Variants in FKBP5 observed in about 807,000 individuals in gnomAD.
FKBP5 encodes peptidyl-prolyl cis-trans isomerase FKBP5.
Under a neutral mutation model 50.5 loss-of-function variants are expected in FKBP5, and 23 were observed. That is an observed-to-expected ratio of 0.46 (90% CI 0.33 to 0.65). The LOEUF is 0.65. Ranked by LOEUF, FKBP5 falls within the 30% of genes least tolerant of loss-of-function variation. The pLI is 0.02. For missense variants in FKBP5, 411 were observed against 553.1 expected (o/e 0.74, Z 2.58); for synonymous variants, 176 against 190.6 (o/e 0.92, Z 0.63).
chr6:35,691,363 G>T (rs1765983858), upstream of FKBP5, among the ~76,000 whole-genome samples: 1 of 152,194 alleles, frequency 6.6e-6, no homozygotes, highest in South Asian at 2.1e-4. Context: ...GGAGGGGACA[G>T]CGTGAGCAAA....
chr6:35,704,870 G>A (rs556645805), intron 2 of FKBP5, among the ~76,000 whole-genome samples: 16 of 152,024 alleles, frequency 1.1e-4, no homozygotes, highest in East Asian at 1.9e-4. Flanking sequence ...GGCCGGGCGC[G>A]GTGGCTCACA....
In FKBP5 at chr6:35,583,248, G is replaced by T. The variant is rs931013840; in HGVS notation, c.841-3027C>A. 28 of 985,330 alleles carry T rather than the reference G, an allele frequency of 2.8e-5. No individual in the cohort carries two copies. The African/African-American group carries it at 4.9e-4, about 17-fold the overall frequency. 61.0% of individuals were successfully genotyped at this position (985,330 alleles called of 1,614,324 possible). A position where few individuals can be genotyped will look rare whatever the true frequency, so the allele number is the denominator to read the frequency against. On this transcript the variant is annotated intron_variant, in intron 8 of 10. Transcript: ENST00000357266. ...TCCTCTCTCCTCCTCCCTCTCTAAT[G>T]CATTGATTAACTTAACTTTTCTGAT...
chr6:35,640,997 T>C (rs1764469966), intron 2 of FKBP5, among the ~76,000 whole-genome samples: 1 of 152,180 alleles, frequency 6.6e-6, no homozygotes, highest in African/African-American at 2.4e-5. Context: ...TCATTTGTTT[T>C]TGAGACAGGA....
intron 1 of FKBP5, among the ~76,000 whole-genome samples, chr6:35,684,956 G>A (rs1002784635): frequency 1.3e-5 from 2 of 151,996 alleles, no homozygotes; most frequent in Non-Finnish European, 2.9e-5. Flanking sequence ...GATCACTTGA[G>A]ACCAGGTGGT....
intron 1 of FKBP5, among the ~76,000 whole-genome samples, chr6:35,721,231 A>G (rs1766604184): frequency 6.6e-6 from 1 of 152,082 alleles, no homozygotes. Flanking sequence ...AGGCGCCTGT[A>G]ATCTCAGCTA....
rs558104119 is a variant in FKBP5, at chr6:35,590,329, G to A, written c.756+801C>T. 1.8e-4 allele frequency among the ~76,000 whole-genome samples: 28 copies of A among 152,114 alleles called. 1 individual carries two copies. The highest frequency in any genetic ancestry group is 1.4e-3 in the Admixed American group (21 of 15,254). ...AAAAAAAAAGTTGAATGTACAGAACGTGGAGGTAGCACTGTGCAGGAATAA... is the reference window on the plus strand; with the variant it reads ...AAAAAAAAAGTTGAATGTACAGAACATGGAGGTAGCACTGTGCAGGAATAA... On this transcript the variant is annotated intron_variant, in intron 7 of 10. Coordinates refer to ENST00000357266, the MANE Select transcript of FKBP5 (RefSeq NM_004117.4).
At chr6:35,672,154 G>A (rs2151005234) in intron 1 of FKBP5, among the ~76,000 whole-genome samples, 1 of 152,116 alleles carries the variant, frequency 6.6e-6, no homozygotes, top group Non-Finnish European at 1.5e-5. Context: ...AGGCGTGAGC[G>A]ACCGTGACCG....
chr6:35,638,846 A>G (rs1244372716), intron 2 of FKBP5, among the ~76,000 whole-genome samples: 1 of 152,192 alleles, frequency 6.6e-6, no homozygotes, highest in African/African-American at 2.4e-5. Context: ...CACGAACTGC[A>G]TGTGGTATTT....
At chr6:35,648,688 C>T (rs140982323) in intron 1 of FKBP5, among the ~76,000 whole-genome samples, 869 of 152,278 alleles carry the variant, frequency 5.7e-3, no homozygotes, top group Non-Finnish European at 9.0e-3. Context: ...GTGGCTCAAG[C>T]CTGTAATCCT....
chr6:35,689,842 AAAAC>A (rs1765949531), upstream of FKBP5, among the ~76,000 whole-genome samples: 1 of 152,104 alleles, frequency 6.6e-6, no homozygotes, highest in Admixed American at 6.6e-5. Context: ...TCTCAAAACA[AAAAC>A]AAAAACAAAA....
chr6:35,578,424 CTACA>C lies in FKBP5; in HGVS notation c.1027-1195_1027-1192del, dbSNP rs536943290. ...ACTAGAAAGGAGACGACAAATCTGA[CTACA>C]TAAACATTAAAACCTTCTTTAAAGA... On this transcript the variant is annotated intron_variant, in intron 9 of 10. Coordinates refer to ENST00000357266, the MANE Select transcript of FKBP5 (RefSeq NM_004117.4). Among the ~76,000 whole-genome samples, 88 of 152,212 alleles carry C rather than the reference CTACA, an allele frequency of 5.8e-4. No homozygotes were observed. The Middle Eastern group carries it at 0.014, about 24-fold the overall frequency.
At chr6:35,624,438 G>A (rs1177706586) in intron 3 of FKBP5, among the ~76,000 whole-genome samples, 1 of 151,956 alleles carries the variant, frequency 6.6e-6, no homozygotes, top group Non-Finnish European at 1.5e-5. Flanking sequence ...GGAGCTGGAG[G>A]TTGCAGTGAG....
chr6:35,700,972 AAAAT>A (rs1375772521), intron 2 of FKBP5, among the ~76,000 whole-genome samples: 1 of 152,094 alleles, frequency 6.6e-6, no homozygotes, highest in Non-Finnish European at 1.5e-5. Context: ...AATAAATTAA[AAAAT>A]AAATAAATAA....
Position 35,574,314 on chromosome 6 carries a change from A to T in FKBP5, c.*1521T>A, listed in dbSNP as rs752543180. The T allele has an allele frequency of 6.6e-6, 1 of 152,224 alleles. No individual in the cohort carries two copies. Among genetic ancestry groups the T allele is most frequent in the Non-Finnish European group, 1.5e-5 (1 of 68,036 alleles). 9.4% of individuals were successfully genotyped at this position (152,224 alleles called of 1,614,324 possible). ...TAAAACCATCATAAAAATAAAAACT[A>T]ATTTAAAATATAACTGCCAGTGTTT... On this transcript the variant is annotated 3_prime_UTR_variant, in exon 11 of 11. Transcript: ENST00000357266.
chr6:35,653,090 G>A (rs1764856112), intron 1 of FKBP5, among the ~76,000 whole-genome samples: 1 of 152,222 alleles, frequency 6.6e-6, no homozygotes, highest in African/African-American at 2.4e-5. Context: ...GCCAGGCACA[G>A]TGGCTCAAGC....
intron 5 of FKBP5, among the ~76,000 whole-genome samples, chr6:35,614,959 C>T (rs1409147319): frequency 6.6e-6 from 1 of 151,962 alleles, no homozygotes; most frequent in African/African-American, 2.4e-5. Context: ...CCCATCTCTA[C>T]TGAAAATACA....
chr6:35,634,732 T>G (rs962738673), intron 3 of FKBP5, among the ~76,000 whole-genome samples: 10 of 152,034 alleles, frequency 6.6e-5, no homozygotes, highest in African/African-American at 2.4e-4. Context: ...TTCCCTAATC[T>G]AGGAACAAAC....
intron 1 of FKBP5, among the ~76,000 whole-genome samples, chr6:35,682,008 T>C (rs1306050330): frequency 6.6e-6 from 1 of 152,206 alleles, no homozygotes; most frequent in Non-Finnish European, 1.5e-5. Context: ...TCTAAGTTTA[T>C]GTCTTAACCT....
At chr6:35,724,518 A>C (rs1212764091) in intron 1 of FKBP5, among the ~76,000 whole-genome samples, 1 of 152,202 alleles carries the variant, frequency 6.6e-6, no homozygotes, top group African/African-American at 2.4e-5. Flanking sequence ...TAAGACTCTG[A>C]GGCTTGAGAA....
Sources: allele counts gnomAD v4.1 joint callset (sites outside exome capture counted in the v4.1 genomes callset), GRCh38; gene constraint gnomAD v4.1.1; transcripts MANE v1.5; gene names NCBI Gene and HGNC (gene_info 2026-07-23, HGNC 2026-07-21).